Variants in CNTNAP2 observed in about 807,000 individuals in gnomAD.
CNTNAP2 encodes contactin-associated protein-like 2.
Under a neutral mutation model 155.2 loss-of-function variants are expected in CNTNAP2, and 98 were observed. The observed-to-expected ratio is 0.63, with a 90% CI of 0.54 to 0.75. The LOEUF (loss-of-function observed/expected upper bound fraction) is 0.75, where lower values mean the gene tolerates loss of function less well. CNTNAP2 is among the 30% of genes least tolerant of loss of function. The pLI is 0.00. For missense variants in CNTNAP2, 1,727 were observed against 1,688.1 expected, an observed-to-expected ratio of 1.02 and a Z score of -0.40; for synonymous variants, 651 against 631.2, an observed-to-expected ratio of 1.03 and a Z score of -0.47.
chr7:147,924,044 C>T (rs1014363912), intron 14 of CNTNAP2, among the ~76,000 whole-genome samples: 1 of 152,182 alleles, frequency 6.6e-6, no homozygotes, highest in African/African-American at 2.4e-5. Context: ...TGCCAGTCTC[C>T]TAAGCCAGTC....
chr7:147,206,439 T>C (rs1174815267), intron 8 of CNTNAP2, among the ~76,000 whole-genome samples: 1 of 152,076 alleles, frequency 6.6e-6, no homozygotes, highest in East Asian at 1.9e-4. Context: ...GGTGTATGCC[T>C]GTAATCCCAG....
In CNTNAP2 at chr7:146,658,443, A is replaced by G. The variant is rs925026758; in HGVS notation, c.98-115828A>G. Among the ~76,000 whole-genome samples the G allele has an allele frequency of 5.3e-5, 8 of 152,084 alleles. 1 individual carries two copies. The highest frequency in any genetic ancestry group is 1.7e-4 in the African/African-American group (7 of 41,404). Reference sequence around the variant, plus strand: ...AAAGCAGAGTATTCAGCTAAAAGGAATATTCATCCTTTTCATTTTGAAGTT... The same window carrying G: ...AAAGCAGAGTATTCAGCTAAAAGGAGTATTCATCCTTTTCATTTTGAAGTT... On this transcript the variant is annotated intron_variant, in intron 1 of 23. Transcript: ENST00000361727.
At chr7:146,961,537 C>T (rs770649316) in intron 3 of CNTNAP2, among the ~76,000 whole-genome samples, 3 of 152,108 alleles carry the variant, frequency 2.0e-5, no homozygotes, top group African/African-American at 7.2e-5. Context: ...CACCCTCTAC[C>T]CTGAAAGTTG....
intron 8 of CNTNAP2, among the ~76,000 whole-genome samples, chr7:147,152,329 A>G (rs1409471888): frequency 6.6e-6 from 1 of 152,040 alleles, no homozygotes; most frequent in Non-Finnish European, 1.5e-5. Flanking sequence ...TTAATTACAT[A>G]GACTCTAGAA....
intron 3 of CNTNAP2, among the ~76,000 whole-genome samples, chr7:146,890,869 C>G (rs1795760836): frequency 6.6e-6 from 1 of 151,988 alleles, no homozygotes; most frequent in Non-Finnish European, 1.5e-5. Flanking sequence ...GACAGATTAC[C>G]CAGCAATCCC....
intron 8 of CNTNAP2, among the ~76,000 whole-genome samples, chr7:147,235,899 TACTTAATTTG>T (rs1803793916): frequency 6.6e-6 from 1 of 152,160 alleles, no homozygotes; most frequent in Non-Finnish European, 1.5e-5. Flanking sequence ...TTCACAACAA[TACTTAATTTG>T]CTACTTTTAA....
chr7:146,852,085 C>A (rs1445775388), intron 3 of CNTNAP2, among the ~76,000 whole-genome samples: 5 of 152,106 alleles, frequency 3.3e-5, no homozygotes, highest in African/African-American at 1.2e-4. Context: ...CATGTAAAGA[C>A]CCTGTTTCCA....
At chr7:147,566,073 G>A (rs1800163500) in intron 12 of CNTNAP2, among the ~76,000 whole-genome samples, 1 of 148,032 alleles carries the variant, frequency 6.8e-6, no homozygotes, top group Non-Finnish European at 1.5e-5. Flanking sequence ...TTGAGCCCAG[G>A]AGTTCAAGAC....
intron 10 of CNTNAP2, among the ~76,000 whole-genome samples, chr7:147,422,934 C>A (rs1463719252): frequency 3.9e-5 from 6 of 151,976 alleles, no homozygotes; most frequent in African/African-American, 1.5e-4. Flanking sequence ...TTACTGCATA[C>A]AAGTTGGCAA....
chr7:148,207,695 G>GAT (rs758999223), intron 18 of CNTNAP2, among the ~76,000 whole-genome samples: 54 of 152,128 alleles, frequency 3.5e-4, no homozygotes, highest in Non-Finnish European at 6.5e-4. Context: ...TAAGAAGAGG[G>GAT]ATATATTTTA....
At chr7:147,492,409 T>C (rs1297592839) in intron 11 of CNTNAP2, among the ~76,000 whole-genome samples, 2 of 152,158 alleles carry the variant, frequency 1.3e-5, no homozygotes, top group Non-Finnish European at 2.9e-5. Flanking sequence ...ACTATAGGAG[T>C]TATTCTAAAA....
intron 13 of CNTNAP2, among the ~76,000 whole-genome samples, chr7:147,884,712 A>C (rs2708244): frequency 0.21 from 32,126 of 152,164 alleles, 4,099 homozygotes; most frequent in African/African-American, 0.37. Flanking sequence ...CCCACTTGAA[A>C]AATCTGCCAC....
intron 1 of CNTNAP2, among the ~76,000 whole-genome samples, chr7:146,612,210 T>C (rs1235412039): frequency 7.0e-6 from 1 of 141,878 alleles, no homozygotes; most frequent in African/African-American, 2.7e-5. Context: ...TAGTTATTAC[T>C]GTTAACAGAT....
At chr7:146,254,737 T>A (rs1238154145) in intron 1 of CNTNAP2, among the ~76,000 whole-genome samples, 1 of 151,698 alleles carries the variant, frequency 6.6e-6, no homozygotes, top group Non-Finnish European at 1.5e-5. Context: ...TAAAAGAGAG[T>A]CTTGCAAAAA....
intron 20 of CNTNAP2, among the ~76,000 whole-genome samples, chr7:148,237,159 C>T (rs1211442593): frequency 6.6e-6 from 1 of 152,188 alleles, no homozygotes; most frequent in South Asian, 2.1e-4. Flanking sequence ...CAGCACCCTG[C>T]CTTAAGATAC....
rs561349848 is a variant in CNTNAP2 at position 146,275,330 on chromosome 7, C to G, written c.97+158357C>G. ...TAGTAACTTAACAAGACTATAGTGA[C>G]CATGAATAGAGGAAGGATTCAAACC... On this transcript the variant is annotated intron_variant, in intron 1 of 23. Coordinates refer to ENST00000361727, the MANE Select transcript of CNTNAP2 (RefSeq NM_014141.6). Among the ~76,000 whole-genome samples the G allele has an allele frequency of 2.0e-3, 309 of 152,130 alleles. 3 individuals are homozygous for G. Among genetic ancestry groups the G allele is most frequent in the African/African-American group, 7.0e-3 (290 of 41,512 alleles).
At chr7:148,410,436 G>A (rs1298999166) in intron 23 of CNTNAP2, among the ~76,000 whole-genome samples, 1 of 151,974 alleles carries the variant, frequency 6.6e-6, no homozygotes, top group East Asian at 1.9e-4. Flanking sequence ...GCGTGGTGGC[G>A]CATTCCTGTA....
chr7:146,921,221 T>C (rs888699185), intron 3 of CNTNAP2, among the ~76,000 whole-genome samples: 2 of 152,178 alleles, frequency 1.3e-5, no homozygotes, highest in Non-Finnish European at 2.9e-5. Context: ...AATTATATTA[T>C]GTGTTTCTCA....
intron 1 of CNTNAP2, among the ~76,000 whole-genome samples, chr7:146,507,484 G>A (rs1359612679): frequency 6.6e-6 from 1 of 152,192 alleles, no homozygotes; most frequent in East Asian, 1.9e-4. Flanking sequence ...TTTGTCAACT[G>A]ATACAATGGT....
Sources: gnomAD v4.1 joint callset for allele counts (sites outside exome capture counted in the v4.1 genomes callset) on GRCh38, gnomAD v4.1.1 for gene constraint, MANE v1.5 for transcripts, NCBI Gene and HGNC (gene_info 2026-07-23, HGNC 2026-07-21) for gene names.